The following DDX60 variants were observed in gnomAD, a reference collection of about 807,000 sequenced individuals.
DDX60 encodes the protein probable ATP-dependent RNA helicase DDX60.
Under a neutral mutation model 212.8 loss-of-function variants are expected in DDX60, and 165 were observed. That is an observed-to-expected ratio of 0.78 (90% CI 0.68 to 0.88). The LOEUF (loss-of-function observed/expected upper bound fraction) is 0.88. Ranked by LOEUF, DDX60 falls within the 40% of genes least tolerant of loss-of-function variation. The pLI is 0.00. For synonymous variants in DDX60, 703 were observed against 685.3 expected, an observed-to-expected ratio of 1.03 and a Z score of -0.40; for missense variants, 1,905 against 2,003.9, an observed-to-expected ratio of 0.95 and a Z score of 0.94.
chr4:168,225,545 G>C lies in DDX60; in HGVS notation c.4665C>G (p.Leu1555=). The C allele has an allele frequency of 6.2e-7, 1 of 1,605,526 alleles. No individual in the cohort carries two copies. Among genetic ancestry groups the C allele is most frequent in the Non-Finnish European group, 8.5e-7 (1 of 1,177,196 alleles). ...TATACTTACTGATTTTTGACAATGG[G>C]AGTTGATATTCCTGATTCATATCAG... The part of the protein sequence containing the change: ...KLADMNQEYQ[L]PLSKIKFTGK... The change falls in exon 34 of 38, where the codon CTC becomes CTG. Residue 1555 remains leucine (L), a synonymous_variant. Transcript: ENST00000393743.
At chr4:168,322,802 C>T (rs565860397), upstream of DDX60, among the ~76,000 whole-genome samples, 2 of 152,320 alleles carry the variant, frequency 1.3e-5, no homozygotes, top group South Asian at 4.1e-4. Flanking sequence ...GTGTGCCACA[C>T]AGGGCCACAC....
rs746343096 is a variant in DDX60, at chr4:168,237,696, T to C, written c.4264A>G (p.Lys1422Glu). ...AAAAGTGCAGTAATGCATACCTCTT[T>C]CACCAGGAACTGCAAAGAAAACAGG... is the stretch of plus-strand genomic sequence containing the variant. ...YFLFSLQFLV[K>E]EGYLDQEGNP... The change falls in exon 31 of 38, where the codon AAA becomes GAA. Residue 1422 changes from lysine to glutamate, a missense_variant. By Grantham distance (56) the Lys-to-Glu change is moderately conservative. Coordinates refer to ENST00000393743, the MANE Select transcript of DDX60 (RefSeq NM_017631.6). 1.2e-6 allele frequency: 2 copies of C among 1,610,682 alleles called. No homozygotes were observed. The highest frequency in any genetic ancestry group is 1.7e-6 in the Non-Finnish European group (2 of 1,178,362).
intron 1 of DDX60, among the ~76,000 whole-genome samples, chr4:168,312,545 A>G (rs1169759052): frequency 6.6e-6 from 1 of 152,156 alleles, no homozygotes; most frequent in Non-Finnish European, 1.5e-5. Context: ...AAGGTAATAG[A>G]GAAGAAAATA....
chr4:168,243,086 C>A (rs1240123299), intron 30 of DDX60, among the ~76,000 whole-genome samples: 1 of 152,160 alleles, frequency 6.6e-6, no homozygotes, highest in Non-Finnish European at 1.5e-5. Flanking sequence ...ATGACTTGCT[C>A]CTCCTTGCCT....
At chr4:168,229,437 TG>T (rs1733370267) in intron 33 of DDX60, among the ~76,000 whole-genome samples, 1 of 152,086 alleles carries the variant, frequency 6.6e-6, no homozygotes. Context: ...AAAGACCACA[TG>T]GAGAAGGAAA....
intron 5 of DDX60, among the ~76,000 whole-genome samples, chr4:168,302,846 C>T (rs1228230232): frequency 6.6e-6 from 1 of 152,070 alleles, no homozygotes; most frequent in Non-Finnish European, 1.5e-5. Flanking sequence ...TAGCATAACC[C>T]CCCTTTCAGG....
At chr4:168,310,007 C>G (rs1020238483) in intron 3 of DDX60, among the ~76,000 whole-genome samples, 1 of 152,124 alleles carries the variant, frequency 6.6e-6, no homozygotes, top group African/African-American at 2.4e-5. Flanking sequence ...AGCTGCCAGT[C>G]TCTCAGATGT....
intron 20 of DDX60, 110 bp from the exon 21 acceptor site, chr4:168,268,093 G>A (rs573094495): frequency 1.3e-5 from 12 of 890,172 alleles, no homozygotes; most frequent in South Asian, 2.3e-5. Flanking sequence ...TGTACTTAGG[G>A]GAATAGACTC....
At chr4:168,221,404 A>T (rs1733045471) in intron 36 of DDX60, among the ~76,000 whole-genome samples, 1 of 152,198 alleles carries the variant, frequency 6.6e-6, no homozygotes, top group African/African-American at 2.4e-5. Context: ...CAGTTTTAAA[A>T]TATCTAATAA....
intron 25 of DDX60, among the ~76,000 whole-genome samples, chr4:168,258,829 T>G (rs1734514955): frequency 6.6e-6 from 1 of 152,144 alleles, no homozygotes; most frequent in South Asian, 2.1e-4. Context: ...TTCTTAAAAG[T>G]AGCAGATTAA....
At chr4:168,244,809 C>A (rs1733967930) in intron 30 of DDX60, among the ~76,000 whole-genome samples, 2 of 151,788 alleles carry the variant, frequency 1.3e-5, no homozygotes. Context: ...TCCACATTTG[C>A]ATTATGAAGA....
Position 168,252,631 on chromosome 4 carries a change from T to C in DDX60, c.3583A>G (p.Arg1195Gly). 2 of 1,611,364 alleles carry C rather than the reference T, an allele frequency of 1.2e-6. No homozygotes were observed. Among genetic ancestry groups the C allele is most frequent in the Non-Finnish European group, 1.7e-6 (2 of 1,178,922 alleles). The change falls in exon 27 of 38, where the codon AGA (arginine) becomes GGA (glycine). Residue 1195 changes from arginine (R) to glycine (G), a missense_variant. Arg to Gly is a moderately radical substitution (Grantham distance 125). Transcript: ENST00000393743. ...IIDEKSQKKTRNVDQSLIHEA... is the reference protein window; with the variant it reads ...IIDEKSQKKTGNVDQSLIHEA... ...TGTATTAGGCTTTGATCCACATTTC[T>C]GGTTTTTTTCTGGCTCTTTTCATCT...
At chr4:168,277,715 A>G (rs1281495416) in intron 14 of DDX60, among the ~76,000 whole-genome samples, 1 of 147,574 alleles carries the variant, frequency 6.8e-6, no homozygotes, top group Admixed American at 6.8e-5. Flanking sequence ...AGGCTGAGGG[A>G]GGAGAATGGC....
intron 20 of DDX60, among the ~76,000 whole-genome samples, chr4:168,268,312 T>G (rs545915925): frequency 6.8e-4 from 103 of 152,278 alleles, no homozygotes; most frequent in Non-Finnish European, 1.1e-3. Context: ...TTAATACATG[T>G]AAAGCACTTA....
intron 4 of DDX60, among the ~76,000 whole-genome samples, chr4:168,307,677 G>T (rs1239217774): frequency 3.3e-5 from 5 of 152,144 alleles, no homozygotes; most frequent in Admixed American, 3.3e-4. Flanking sequence ...TAAATTGCCT[G>T]CTGAGTTTTG....
At chr4:168,244,491 C>T (rs1461200548) in intron 30 of DDX60, among the ~76,000 whole-genome samples, 1 of 152,074 alleles carries the variant, frequency 6.6e-6, no homozygotes, top group Non-Finnish European at 1.5e-5. Context: ...CTTTGGGAGG[C>T]TAAGGTGGGT....
chr4:168,251,372 T>G (rs1734214586), intron 27 of DDX60, among the ~76,000 whole-genome samples: 1 of 152,130 alleles, frequency 6.6e-6, no homozygotes, highest in Non-Finnish European at 1.5e-5. Flanking sequence ...AAACACCAAG[T>G]GGTGGTGAGT....
At chr4:168,252,887 C>A (rs1734269525) in intron 26 of DDX60, among the ~76,000 whole-genome samples, 1 of 152,088 alleles carries the variant, frequency 6.6e-6, no homozygotes, top group African/African-American at 2.4e-5. Flanking sequence ...TCACTGCAAC[C>A]TCCACTTCCT....
At chr4:168,268,736 A>C in intron 20 of DDX60, 118 bp downstream of exon 20, 1 of 567,134 alleles carries the variant, frequency 1.8e-6, no homozygotes, top group Non-Finnish European at 2.9e-6. Context: ...AAGATTCAGA[A>C]ATAAACTATT....
Sources: allele counts gnomAD v4.1 joint callset (sites outside exome capture counted in the v4.1 genomes callset), GRCh38; gene constraint gnomAD v4.1.1; transcripts MANE v1.5; gene names NCBI Gene and HGNC (gene_info 2026-07-23, HGNC 2026-07-21).